The following TNPO1 variants were observed in gnomAD, a reference collection of about 807,000 sequenced individuals.
TNPO1 encodes the protein transportin 1, also known as transportin-1.
In TNPO1, 8 loss-of-function variants were observed where a neutral mutation model predicts 119.5. The ratio of observed to expected loss-of-function variants is 0.07; its 90% CI spans 0.04 to 0.12. TNPO1 has a LOEUF of 0.12. TNPO1 is among the 10% of genes least tolerant of loss of function. The probability of loss-of-function intolerance (pLI) is 1.00; values close to 1 mark genes in which losing one functional copy is unlikely to be tolerated. For synonymous variants in TNPO1, 362 were observed against 363.0 expected (o/e 1.00, Z 0.03); for missense variants, 576 against 1,089.8 (o/e 0.53, Z 6.64).
intron 1 of TNPO1, among the ~76,000 whole-genome samples, chr5:72,844,503 T>C (rs1229305484): frequency 1.3e-5 from 2 of 152,134 alleles, no homozygotes; most frequent in African/African-American, 4.8e-5. Context: ...ATAGATAAAA[T>C]TGTCTTTGAA....
In TNPO1 at chr5:72,909,220, T is replaced by C. The variant is rs1039320562; in HGVS notation, c.*547T>C. ...TGAAGAACTACACAAAGAAAACTAA[T>C]ATAGTTAAAAGTCAGCTTGCCTTCC... On this transcript the variant is annotated 3_prime_UTR_variant, in exon 25 of 25. Coordinates refer to ENST00000337273, the MANE Select transcript of TNPO1 (RefSeq NM_002270.4). 5.3e-5 allele frequency: 8 copies of C among 152,346 alleles called. No homozygotes were observed. The highest frequency in any genetic ancestry group is 1.9e-4 in the African/African-American group (8 of 41,238). 9.4% of individuals were successfully genotyped at this position (152,346 alleles called of 1,614,324 possible).
chr5:72,900,021 G>T lies in TNPO1; in HGVS notation c.2354G>T (p.Arg785Leu). Reference protein sequence around the residue: ...LLENTAITIGRLGYVCPQEVA... With the variant: ...LLENTAITIGLLGYVCPQEVA... ...GTTACCTTAGCAATAACAATTGGTC[G>T]TCTTGGTTACGTTTGTCCTCAAGAG... Residue 785 changes from arginine to leucine, a missense_variant, in exon 21 of 25, where the codon CGT becomes CTT. Coordinates refer to ENST00000337273, the MANE Select transcript of TNPO1 (RefSeq NM_002270.4). The T allele has an allele frequency of 6.2e-7, 1 of 1,613,620 alleles. No homozygotes were observed. The highest frequency in any genetic ancestry group is 8.5e-7 in the Non-Finnish European group (1 of 1,179,814).
chr5:72,853,010 T>TA (rs1745699962), intron 3 of TNPO1, among the ~76,000 whole-genome samples: 1 of 152,242 alleles, frequency 6.6e-6, no homozygotes, highest in Non-Finnish European at 1.5e-5. Context: ...ATTTTTAAAT[T>TA]TATTTTCACT....
intron 22 of TNPO1, among the ~76,000 whole-genome samples, chr5:72,903,376 G>A (rs898656975): frequency 2.9e-4 from 44 of 152,112 alleles, no homozygotes; most frequent in African/African-American, 9.6e-4. Context: ...TCTTTAATCC[G>A]GTAAATGAAA....
At chr5:72,882,424 T>G in intron 9 of TNPO1, 43 bp from the exon 10 acceptor site, 16 of 1,437,004 alleles carry the variant, frequency 1.1e-5, no homozygotes, top group Non-Finnish European at 1.5e-5. Flanking sequence ...ATTATTCTCT[T>G]GAGATCTTAA....
At chr5:72,850,742 C>T (rs1038482350) in intron 2 of TNPO1, among the ~76,000 whole-genome samples, 1 of 152,190 alleles carries the variant, frequency 6.6e-6, no homozygotes, top group Non-Finnish European at 1.5e-5. Context: ...GATATATAGC[C>T]TTGTGCATAA....
intron 4 of TNPO1, among the ~76,000 whole-genome samples, chr5:72,856,600 C>T (rs139702356): frequency 2.0e-5 from 3 of 152,212 alleles, no homozygotes; most frequent in East Asian, 1.9e-4. Flanking sequence ...TGAAGAAATA[C>T]TTTTTAATTG....
intron 3 of TNPO1, 42 bp downstream of exon 3, chr5:72,851,361 A>C (rs1482363168): frequency 8.6e-7 from 1 of 1,167,186 alleles, no homozygotes; most frequent in East Asian, 2.3e-5. Context: ...AGTTTCTTTA[A>C]GACCTGTTTA....
intron 3 of TNPO1, among the ~76,000 whole-genome samples, 199 bp downstream of exon 3, chr5:72,851,518 A>G (rs529940379): frequency 3.2e-4 from 48 of 152,138 alleles, no homozygotes; most frequent in South Asian, 1.2e-3. Context: ...ATACAGACAG[A>G]GTCTCACTCT....
intron 23 of TNPO1, 72 bp from the exon 24 acceptor site, chr5:72,905,231 G>A (rs250518): frequency 0.68 from 762,025 of 1,127,218 alleles, 260,972 homozygotes; most frequent in East Asian, 0.78. Flanking sequence ...CAGCTGTGTT[G>A]GATTTCAGAA....
intron 23 of TNPO1, 26 bp downstream of exon 23, chr5:72,903,809 T>C (rs1432438251): frequency 6.9e-7 from 1 of 1,444,754 alleles, no homozygotes; most frequent in Non-Finnish European, 9.6e-7. Context: ...TTATAATGCA[T>C]CATCTTGAGA....
chr5:72,829,753 C>G (rs181948955), intron 1 of TNPO1, among the ~76,000 whole-genome samples: 183 of 152,312 alleles, frequency 1.2e-3, no homozygotes, highest in African/African-American at 4.3e-3. Context: ...GCTGGCTGTT[C>G]TTATGCAGAG....
At chr5:72,825,655 C>G (rs926783590) in intron 1 of TNPO1, 1 of 152,518 alleles carries the variant, frequency 6.6e-6, no homozygotes, top group Non-Finnish European at 1.5e-5. Flanking sequence ...CCACTGCACT[C>G]CAGCCTGGGT....
chr5:72,902,408 G>C (rs1182855703), intron 22 of TNPO1, among the ~76,000 whole-genome samples: 2 of 152,068 alleles, frequency 1.3e-5, no homozygotes, highest in Admixed American at 6.5e-5. Context: ...ACTTCTGACT[G>C]ATTTCACACT....
chr5:72,843,453 G>T (rs957110299), intron 1 of TNPO1, among the ~76,000 whole-genome samples: 2 of 151,910 alleles, frequency 1.3e-5, no homozygotes, highest in Non-Finnish European at 2.9e-5. Flanking sequence ...AATTAACCGA[G>T]CGTGCTAGCA....
In TNPO1 at chr5:72,816,666, G is replaced by A; in HGVS notation, c.-72G>A. On this transcript the variant is annotated 5_prime_UTR_variant, in exon 1 of 25. Transcript: ENST00000337273. ...GTGAAGCCCAGATTCTCTTTGTTCCGCAGCCATTTCAGGCCCCGGACAGGA... is the reference window on the plus strand; with the variant it reads ...GTGAAGCCCAGATTCTCTTTGTTCCACAGCCATTTCAGGCCCCGGACAGGA... 8.1e-6 allele frequency: 12 copies of A among 1,480,512 alleles called. No individual in the cohort carries two copies. The highest frequency in any genetic ancestry group is 9.0e-6 in the Non-Finnish European group (10 of 1,108,996). The allele number at this position is 1,480,512 out of a possible 1,614,324, so 91.7% of individuals were successfully genotyped here. A position where few individuals can be genotyped will look rare whatever the true frequency, so the allele number is the denominator to read the frequency against.
At chr5:72,851,570 A>G (rs1334289109) in intron 3 of TNPO1, among the ~76,000 whole-genome samples, 4 of 152,102 alleles carry the variant, frequency 2.6e-5, no homozygotes, top group African/African-American at 7.2e-5. Context: ...TTGGCTCACT[A>G]CAATATCTGC....
chr5:72,873,863 G>A (rs575686998), intron 7 of TNPO1, among the ~76,000 whole-genome samples: 3 of 152,122 alleles, frequency 2.0e-5, no homozygotes, highest in East Asian at 3.9e-4. Flanking sequence ...TGGAACAATG[G>A]CTGCCACAGA....
chr5:72,848,408 G>C lies in TNPO1; in HGVS notation c.39G>C (p.Trp13Cys), dbSNP rs1420799089. ...AGCAAACCAAGATGGAGTATGAGTGGAAACCTGACGAGCAAGGGCTTCAGC... is the reference window on the plus strand; with the variant it reads ...AGCAAACCAAGATGGAGTATGAGTGCAAACCTGACGAGCAAGGGCTTCAGC... ...WDRQTKMEYEWKPDEQGLQQI... is the reference protein window; with the variant it reads ...WDRQTKMEYECKPDEQGLQQI... Residue 13 changes from tryptophan (W) to cysteine (C), a missense_variant, in exon 2 of 25, where the codon TGG becomes TGC. By Grantham distance (215) the Trp-to-Cys change is radical (BLOSUM62 -2). Coordinates refer to ENST00000337273, the MANE Select transcript of TNPO1 (RefSeq NM_002270.4). The C allele has an allele frequency of 6.2e-7, 1 of 1,612,424 alleles. No individual in the cohort carries two copies. The highest frequency in any genetic ancestry group is 8.5e-7 in the Non-Finnish European group (1 of 1,179,112).
Sources: allele counts gnomAD v4.1 joint callset (sites outside exome capture counted in the v4.1 genomes callset), GRCh38; gene constraint gnomAD v4.1.1; transcripts MANE v1.5; gene names NCBI Gene and HGNC (gene_info 2026-07-23, HGNC 2026-07-21).